The following CCBE1 variants were observed in gnomAD, a reference collection of about 807,000 sequenced individuals.
The protein encoded by CCBE1 is collagen and calcium-binding EGF domain-containing protein 1.
Under a neutral mutation model 50.0 loss-of-function variants are expected in CCBE1, and 37 were observed. The ratio of observed to expected loss-of-function variants is 0.74; its 90% confidence interval spans 0.57 to 0.97. The LOEUF is 0.97. Among genes scored for constraint, CCBE1 ranks in the 50% least tolerant of loss-of-function variants. The pLI is 0.00. For missense variants in CCBE1, 538 were observed against 523.8 expected, an observed-to-expected ratio of 1.03 and a Z score of -0.26; for synonymous variants, 234 against 203.7, an observed-to-expected ratio of 1.15 and a Z score of -1.27.
rs575906287 is a variant in CCBE1, at chr18:59,435,072, G to A, written c.*836C>T. 47 of 152,294 alleles carry A rather than the reference G, an allele frequency of 3.1e-4. 1 individual carries two copies. The highest frequency in any genetic ancestry group is 1.1e-3 in the African/African-American group (46 of 41,556). The allele number at this position is 152,294 out of a possible 1,614,324, so 9.4% of individuals were successfully genotyped here. ...TATTTATAGAGCAGACTCCACTGTT[G>A]ATTAAACAGCTTTAAAATATTATAG... On this transcript the variant is annotated 3_prime_UTR_variant, in exon 11 of 11. Coordinates refer to ENST00000439986, the MANE Select transcript of CCBE1 (RefSeq NM_133459.4).
Position 59,435,840 on chromosome 18 carries a change from T to C in CCBE1, c.*68A>G. 5 of 1,388,172 alleles carry C rather than the reference T, an allele frequency of 3.6e-6. No individual in the cohort carries two copies. The highest frequency in any genetic ancestry group is 5.1e-6 in the Non-Finnish European group (5 of 973,920). 86.0% of individuals were successfully genotyped at this position (1,388,172 alleles called of 1,614,324 possible). On this transcript the variant is annotated 3_prime_UTR_variant, in exon 11 of 11. Transcript: ENST00000439986. ...TCTAGGTCTCCAGTGGTCTTTCTTC[T>C]CTTTAGATGGTTTAACTGCAGGTGA...
At chr18:59,669,848 G>A (rs532796395) in intron 2 of CCBE1, among the ~76,000 whole-genome samples, 4 of 152,308 alleles carry the variant, frequency 2.6e-5, no homozygotes, top group East Asian at 1.9e-4. Flanking sequence ...CATTTCCATG[G>A]GAAATAATTA....
intron 2 of CCBE1, among the ~76,000 whole-genome samples, chr18:59,563,234 C>G (rs1052405967): frequency 3.9e-5 from 6 of 152,162 alleles, no homozygotes; most frequent in African/African-American, 1.4e-4. Context: ...AACCCCAACT[C>G]TGCTTGTTAG....
intron 2 of CCBE1, among the ~76,000 whole-genome samples, chr18:59,644,122 G>C (rs1030501473): frequency 6.6e-6 from 1 of 152,170 alleles, no homozygotes; most frequent in Admixed American, 6.5e-5. Flanking sequence ...TTCCGCCTTA[G>C]ATCATGAGGC....
At chr18:59,569,731 C>A (rs1268705904) in intron 2 of CCBE1, among the ~76,000 whole-genome samples, 1 of 152,170 alleles carries the variant, frequency 6.6e-6, no homozygotes, top group Non-Finnish European at 1.5e-5. Flanking sequence ...AACTCCCAGG[C>A]TCAAGCCATC....
chr18:59,472,327 T>C (rs1392964166), intron 3 of CCBE1, among the ~76,000 whole-genome samples: 4 of 152,242 alleles, frequency 2.6e-5, no homozygotes, highest in Admixed American at 6.5e-5. Context: ...TCCTTTGCAT[T>C]TTTGGTTCTC....
At chr18:59,544,619 A>G (rs28611320) in intron 2 of CCBE1, among the ~76,000 whole-genome samples, 32,343 of 152,098 alleles carry the variant, frequency 0.21, 3,643 homozygotes, top group Admixed American at 0.24. Flanking sequence ...AGAGCTTCAC[A>G]GCACAAAATG....
intron 2 of CCBE1, among the ~76,000 whole-genome samples, chr18:59,619,008 G>GT (rs540181554): frequency 6.6e-6 from 1 of 152,116 alleles, no homozygotes; most frequent in Non-Finnish European, 1.5e-5. Context: ...AAACTTTCAT[G>GT]TTTTTAGCAG....
chr18:59,673,908 T>G (rs991105719), intron 2 of CCBE1, among the ~76,000 whole-genome samples: 2 of 152,188 alleles, frequency 1.3e-5, no homozygotes, highest in African/African-American at 2.4e-5. Flanking sequence ...ATTTTCTTTT[T>G]TTGTTGTGTC....
chr18:59,434,218 A>T lies in CCBE1; in HGVS notation c.*1690T>A, dbSNP rs1019927067. 1 of 152,176 alleles carries T rather than the reference A, an allele frequency of 6.6e-6. No homozygotes were observed. The highest frequency in any genetic ancestry group is 2.4e-5 in the African/African-American group (1 of 41,444). The allele number at this position is 152,176 out of a possible 1,614,324, so 9.4% of individuals were successfully genotyped here. On this transcript the variant is annotated 3_prime_UTR_variant, in exon 11 of 11. Transcript: ENST00000439986. Reference sequence around the variant, plus strand: ...GGATTTTCTTTAAGCAAGCTTTCACAGTAGTGGAGTTAAATGATGTGGGCT... The same window carrying T: ...GGATTTTCTTTAAGCAAGCTTTCACTGTAGTGGAGTTAAATGATGTGGGCT...
At chr18:59,476,580 G>C (rs1003812261) in intron 3 of CCBE1, among the ~76,000 whole-genome samples, 9 of 152,346 alleles carry the variant, frequency 5.9e-5, no homozygotes, top group African/African-American at 2.2e-4. Context: ...AAATAGGTTT[G>C]ACTGTGTTCC....
chr18:59,463,901 G>C (rs1462439984), intron 5 of CCBE1: 1 of 152,220 alleles, frequency 6.6e-6, no homozygotes, highest in African/African-American at 2.4e-5. Flanking sequence ...GGGCTACCTG[G>C]CTCAGAGCAT....
At chr18:59,599,256 C>G (rs780424060) in intron 2 of CCBE1, among the ~76,000 whole-genome samples, 2 of 152,236 alleles carry the variant, frequency 1.3e-5, no homozygotes, top group East Asian at 3.9e-4. Context: ...TTATAAATAT[C>G]TATAAATTAT....
chr18:59,621,327 C>A (rs1009737525), intron 2 of CCBE1, among the ~76,000 whole-genome samples: 1 of 152,176 alleles, frequency 6.6e-6, no homozygotes, highest in Admixed American at 6.5e-5. Context: ...CCTCATTCCC[C>A]TTGGACTTGG....
intron 5 of CCBE1, among the ~76,000 whole-genome samples, chr18:59,463,859 G>A (rs894183888): frequency 7.2e-5 from 11 of 152,214 alleles, no homozygotes; most frequent in Non-Finnish European, 1.3e-4. Context: ...AAGAGACAAT[G>A]GACTTGCCAG....
intron 2 of CCBE1, among the ~76,000 whole-genome samples, chr18:59,564,692 AG>A (rs773591597): frequency 3.9e-5 from 6 of 152,218 alleles, no homozygotes; most frequent in Non-Finnish European, 7.4e-5. Context: ...TTCCGGACAG[AG>A]GGTGTGTTCA....
In CCBE1 at chr18:59,637,230, T is replaced by C. The variant is rs138748406; in HGVS notation, c.212+59399A>G. Among the ~76,000 whole-genome samples the C allele has an allele frequency of 7.2e-5, 11 of 152,364 alleles. No individual in the cohort carries two copies. The East Asian group carries it at 2.1e-3, about 29-fold the overall frequency. ...CAAACAACATGATCTTAATTTTTCATGATCTTTAGTATTTCTATCCTTGGT... is the reference window on the plus strand; with the variant it reads ...CAAACAACATGATCTTAATTTTTCACGATCTTTAGTATTTCTATCCTTGGT... On this transcript the variant is annotated intron_variant, in intron 2 of 10. Transcript: ENST00000439986.
At chr18:59,680,241 C>G (rs1423293413) in intron 2 of CCBE1, among the ~76,000 whole-genome samples, 15 of 143,362 alleles carry the variant, frequency 1.0e-4, no homozygotes, top group African/African-American at 3.9e-4. Context: ...AAAAAAAAGA[C>G]ACACAACAAA....
chr18:59,681,885 G>A (rs1488597325), intron 2 of CCBE1, among the ~76,000 whole-genome samples: 1 of 152,196 alleles, frequency 6.6e-6, no homozygotes, highest in Non-Finnish European at 1.5e-5. Context: ...AATCCCCTGG[G>A]CTGTAAACTA....
Sources: gnomAD v4.1 joint callset for allele counts (sites outside exome capture counted in the v4.1 genomes callset) on GRCh38, gnomAD v4.1.1 for gene constraint, MANE v1.5 for transcripts, NCBI Gene and HGNC (gene_info 2026-07-23, HGNC 2026-07-21) for gene names.